UBA2: variants seen among roughly 807,000 people sequenced by gnomAD.
The protein encoded by UBA2 is ubiquitin like modifier activating enzyme 2.
UBA2 carries 11 observed loss-of-function variants against 77.2 expected under a neutral mutation model. The ratio of observed to expected loss-of-function variants is 0.14; its 90% confidence interval spans 0.09 to 0.24. The LOEUF (loss-of-function observed/expected upper bound fraction) is 0.24. Among genes scored for constraint, UBA2 ranks in the 10% least tolerant of loss-of-function variants. The probability of loss-of-function intolerance (pLI) is 1.00; values close to 1 mark genes in which losing one functional copy is unlikely to be tolerated. For synonymous variants in UBA2, 278 were observed against 276.7 expected, an observed-to-expected ratio of 1.00 and a Z score of -0.05; for missense variants, 487 against 781.7, an observed-to-expected ratio of 0.62 and a Z score of 4.50.
intron 13 of UBA2, 105 bp downstream of exon 13, chr19:34,459,029 T>C: frequency 4.9e-6 from 6 of 1,226,330 alleles, no homozygotes; most frequent in Non-Finnish European, 6.6e-6. Context: ...TGCAGAGATG[T>C]GTGGCTGTGA....
chr19:34,454,371 A>T lies in UBA2; in HGVS notation c.1132+18A>T. On this transcript the variant is annotated intron_variant, in intron 11 of 16. Coordinates refer to ENST00000246548, the MANE Select transcript of UBA2 (RefSeq NM_005499.3). ...TATCAAATGTAAGTTATTTGTACTA[A>T]AGTTGTATCACTAAAACCTTGAAGT... 6.2e-7 allele frequency: 1 copy of T among 1,600,034 alleles called. No homozygotes were observed. The highest frequency in any genetic ancestry group is 8.5e-7 in the Non-Finnish European group (1 of 1,172,814).
At chr19:34,441,539 G>A (rs538466627) in intron 6 of UBA2, among the ~76,000 whole-genome samples, 2 of 151,964 alleles carry the variant, frequency 1.3e-5, no homozygotes, top group African/African-American at 4.8e-5. Flanking sequence ...CCCGATAAAG[G>A]GTATTTTGTA....
At chr19:34,468,433 A>G (rs978081063) in intron 16 of UBA2, among the ~76,000 whole-genome samples, 1 of 152,208 alleles carries the variant, frequency 6.6e-6, no homozygotes, top group Non-Finnish European at 1.5e-5. Context: ...TACTGTGGGT[A>G]GGTTTCCAAG....
At chr19:34,447,158 A>T (rs1473999242) in intron 8 of UBA2, among the ~76,000 whole-genome samples, 2 of 152,176 alleles carry the variant, frequency 1.3e-5, no homozygotes, top group Non-Finnish European at 2.9e-5. Flanking sequence ...GGCAGGAAGC[A>T]TCCAACATGG....
intron 6 of UBA2, 59 bp downstream of exon 6, chr19:34,438,825 T>G: frequency 6.3e-7 from 1 of 1,591,016 alleles, no homozygotes; most frequent in Non-Finnish European, 8.6e-7. Flanking sequence ...ATGGAGTCAT[T>G]TTTATTTAAT....
intron 7 of UBA2, 133 bp downstream of exon 7, chr19:34,444,044 G>GTTTTTTTTTTTTTTTT (rs35028159): frequency 8.5e-5 from 15 of 175,800 alleles, no homozygotes; most frequent in African/African-American, 1.3e-4. Flanking sequence ...TTTTTTTTTT[G>GTTTTTTTTTTTTTTTT]TTTTTTTTTT....
chr19:34,443,862 A>T lies in UBA2; in HGVS notation c.600A>T (p.Glu200Asp). 6.2e-7 allele frequency: 1 copy of T among 1,609,318 alleles called. No individual in the cohort carries two copies. The highest frequency in any genetic ancestry group is 8.5e-7 in the Non-Finnish European group (1 of 1,175,732). ...KYLFNQLFGE[E>D]DADQEVSPDR... ...ATTATAGCCAGTTGTTTGGGGAAGA[A>T]GATGCTGATCAAGAAGTATCTCCTG... The change falls in exon 7 of 17, where the codon GAA becomes GAT. Residue 200 changes from glutamate to aspartate, a missense_variant. Around this residue, in one of 9 missense-constraint regions of UBA2, gnomAD observed 11 missense variants for 44.9 expected, o/e 0.24. Coordinates refer to ENST00000246548, the MANE Select transcript of UBA2 (RefSeq NM_005499.3).
In UBA2 at chr19:34,454,266, C is replaced by G. The variant is rs764442002; in HGVS notation, c.1045C>G (p.Pro349Ala). ...TTGTTTAAATTATTGGCAGGATGAC[C>G]CATCTGCAATGGATTTTGTCACCTC... is the stretch of plus-strand genomic sequence containing the variant. ...GAELIWDKDD[P>A]SAMDFVTSAA... The change falls in exon 11 of 17, where the codon CCA (proline) becomes GCA (alanine). Residue 349 changes from proline to alanine, a missense_variant. Around this residue, in one of 9 missense-constraint regions of UBA2, gnomAD observed 300 missense variants for 454.3 expected, o/e 0.66. Coordinates refer to ENST00000246548, the MANE Select transcript of UBA2 (RefSeq NM_005499.3). 2 of 1,607,534 alleles carry G rather than the reference C, an allele frequency of 1.2e-6. No individual in the cohort carries two copies. The highest frequency in any genetic ancestry group is 1.3e-5 in the African/African-American group (1 of 74,578).
At chr19:34,458,037 G>C (rs1200116831) in intron 12 of UBA2, among the ~76,000 whole-genome samples, 1 of 152,118 alleles carries the variant, frequency 6.6e-6, no homozygotes, top group Non-Finnish European at 1.5e-5. Context: ...AGGCACTATC[G>C]TTAACTGGAG....
chr19:34,453,043 C>T (rs1398787655), intron 10 of UBA2, among the ~76,000 whole-genome samples: 2 of 152,174 alleles, frequency 1.3e-5, no homozygotes, highest in African/African-American at 4.8e-5. Context: ...AATTGTTATC[C>T]TCTTGAGTAA....
chr19:34,458,509 C>T (rs543578552), intron 12 of UBA2, among the ~76,000 whole-genome samples: 5 of 123,838 alleles, frequency 4.0e-5, no homozygotes, highest in South Asian at 2.6e-4. Flanking sequence ...TGCAGTGAGC[C>T]GAGATTGCGC....
intron 7 of UBA2, among the ~76,000 whole-genome samples, chr19:34,444,659 T>G (rs2075409149): frequency 6.6e-6 from 1 of 152,102 alleles, no homozygotes; most frequent in African/African-American, 2.4e-5. Flanking sequence ...ATATAAAAAT[T>G]AGCCAGGCAT....
intron 14 of UBA2, among the ~76,000 whole-genome samples, chr19:34,463,661 G>C (rs898203240): frequency 6.6e-6 from 1 of 152,080 alleles, no homozygotes; most frequent in African/African-American, 2.4e-5. Context: ...CTGGAGTGCA[G>C]TGGTACAGTC....
At position 34,454,569 on chromosome 19, in the gene UBA2, G is replaced by A; in HGVS notation, c.1245+13G>A. ...CCAGTGCAGAACAGTGAGTATTTCT[G>A]TTTGCATTTTTATGCAACCCCCCTT... On this transcript the variant is annotated intron_variant, in intron 12 of 16. Coordinates refer to ENST00000246548, the MANE Select transcript of UBA2 (RefSeq NM_005499.3). 7.1e-7 allele frequency: 1 copy of A among 1,409,746 alleles called. No individual in the cohort carries two copies. Among genetic ancestry groups the A allele is most frequent in the Non-Finnish European group, 9.7e-7 (1 of 1,035,360 alleles). 87.3% of individuals were successfully genotyped at this position (1,409,746 alleles called of 1,614,324 possible).
intron 5 of UBA2, among the ~76,000 whole-genome samples, chr19:34,438,056 C>T (rs1401464043): frequency 2.0e-5 from 3 of 151,870 alleles, no homozygotes; most frequent in Admixed American, 6.6e-5. Flanking sequence ...GTCTCCCCAC[C>T]GCCAAAAAGA....
At chr19:34,434,815 A>C in intron 4 of UBA2, 53 bp from the exon 5 acceptor site, 1 of 1,372,102 alleles carries the variant, frequency 7.3e-7, no homozygotes, top group Non-Finnish European at 1.0e-6. Flanking sequence ...TCCTAATTAA[A>C]GATAACTAAT....
chr19:34,431,431 T>A (rs1490677645), intron 2 of UBA2, among the ~76,000 whole-genome samples: 1 of 151,946 alleles, frequency 6.6e-6, no homozygotes, highest in East Asian at 1.9e-4. Context: ...CCTGTCATTC[T>A]CATGGCATTT....
At chr19:34,458,965 A>G in intron 13 of UBA2, 41 bp downstream of exon 13, 1 of 1,567,968 alleles carries the variant, frequency 6.4e-7, no homozygotes, top group Non-Finnish European at 8.7e-7. Flanking sequence ...TTGCTTTTAC[A>G]GTATTACTGT....
intron 13 of UBA2, 114 bp downstream of exon 13, chr19:34,459,038 G>C: frequency 8.7e-7 from 1 of 1,148,714 alleles, no homozygotes; most frequent in South Asian, 2.1e-5. Flanking sequence ...GTGTGGCTGT[G>C]ATTTCCTGGG....
Sources: allele counts gnomAD v4.1 joint callset (sites outside exome capture counted in the v4.1 genomes callset), GRCh38; gene constraint gnomAD v4.1.1; regional missense constraint gnomAD v4.1.1; transcripts MANE v1.5; gene names NCBI Gene and HGNC (gene_info 2026-07-23, HGNC 2026-07-21).